Variants in ZNF682 observed in about 807,000 individuals in gnomAD.
The protein encoded by ZNF682 is zinc finger protein 682.
ZNF682 carries 29 observed loss-of-function variants against 36.5 expected under a neutral mutation model. The observed-to-expected ratio is 0.80, with a 90% confidence interval of 0.59 to 1.08. The LOEUF is 1.08. ZNF682 is among the 50% of genes least tolerant of loss of function. The probability of loss-of-function intolerance (pLI) is 0.00; values close to 1 mark genes in which losing one functional copy is unlikely to be tolerated. For synonymous variants in ZNF682, 180 were observed against 197.0 expected (o/e 0.91, Z 0.72); for missense variants, 561 against 579.7 (o/e 0.97, Z 0.33).
intron 3 of ZNF682, among the ~76,000 whole-genome samples, chr19:20,019,146 C>T (rs1300477538): frequency 2.6e-5 from 4 of 152,082 alleles, no homozygotes; most frequent in Non-Finnish European, 5.9e-5. Flanking sequence ...TGAAAGGATG[C>T]TCAAGATTGC....
downstream of ZNF682, chr19:19,996,965 C>A (rs981119896): frequency 8.6e-6 from 3 of 347,388 alleles, no homozygotes; most frequent in Non-Finnish European, 1.5e-5. Flanking sequence ...TCTCCATATT[C>A]TCAGATAAGC....
chr19:20,003,581 T>C (rs934727796), downstream of ZNF682, among the ~76,000 whole-genome samples: 5 of 151,940 alleles, frequency 3.3e-5, no homozygotes, highest in Admixed American at 3.3e-4. Context: ...GGTGGGCACC[T>C]GTAGTCCCAG....
At chr19:20,014,710 G>C (rs1274861426) in intron 3 of ZNF682, among the ~76,000 whole-genome samples, 1 of 151,668 alleles carries the variant, frequency 6.6e-6, no homozygotes, top group Middle Eastern at 3.2e-3. Context: ...AACCTGGGAG[G>C]CGGAGGTTGA....
chr19:20,000,828 G>A (rs1029964194), downstream of ZNF682, among the ~76,000 whole-genome samples: 11 of 152,270 alleles, frequency 7.2e-5, no homozygotes, highest in South Asian at 2.1e-4. Context: ...TTACAGAGCC[G>A]CATTCAGATT....
At chr19:19,999,437 T>G (rs2122281275), downstream of ZNF682, among the ~76,000 whole-genome samples, 1 of 152,242 alleles carries the variant, frequency 6.6e-6, no homozygotes, top group East Asian at 1.9e-4. Flanking sequence ...AAAAATGGGC[T>G]GAAGTTGGTT....
chr19:20,012,369 C>T (rs1001153047), intron 3 of ZNF682, among the ~76,000 whole-genome samples: 7 of 152,090 alleles, frequency 4.6e-5, no homozygotes, highest in Non-Finnish European at 1.0e-4. Context: ...CCAATAAGCA[C>T]AATCAAAAAT....
chr19:20,028,874 G>GA (rs1192850081), intron 1 of ZNF682, among the ~76,000 whole-genome samples: 1 of 151,982 alleles, frequency 6.6e-6, no homozygotes, highest in African/African-American at 2.4e-5. Context: ...GACATAATGT[G>GA]AATTTATCCT....
chr19:20,021,048 C>A (rs2088379152), intron 3 of ZNF682, among the ~76,000 whole-genome samples: 1 of 79,220 alleles, frequency 1.3e-5, no homozygotes, highest in Non-Finnish European at 2.5e-5. Context: ...TTTTGGCTTC[C>A]CTGGGCCACA....
chr19:20,032,310 G>A lies in ZNF682; in HGVS notation c.3+7033C>T, dbSNP rs575879746. Among the ~76,000 whole-genome samples, 108 of 152,322 alleles carry A rather than the reference G, an allele frequency of 7.1e-4. 2 individuals carry two copies. Among genetic ancestry groups the A allele is most frequent in the African/African-American group, 2.5e-3 (105 of 41,570 alleles). ...TTTTAAATTCTTAGGTCTAATCAAT[G>A]CATATGTGTAACCCTGACAGGGTTT... On this transcript the variant is annotated intron_variant, in intron 1 of 3. Transcript: ENST00000397165.
intron 1 of ZNF682, among the ~76,000 whole-genome samples, chr19:20,032,065 A>G (rs2088484346): frequency 6.6e-6 from 1 of 152,196 alleles, no homozygotes; most frequent in Non-Finnish European, 1.5e-5. Context: ...TACATTGCTC[A>G]AAGGAGAAGT....
intron 1 of ZNF682, among the ~76,000 whole-genome samples, chr19:20,029,565 C>T (rs1246429940): frequency 6.8e-6 from 1 of 146,546 alleles, no homozygotes; most frequent in Non-Finnish European, 1.5e-5. Context: ...CATACCACTG[C>T]ACTCCAGCCT....
Position 20,005,774 on chromosome 19 carries a change from A to G in ZNF682, c.*231T>C, listed in dbSNP as rs1008676961. 1.3e-5 allele frequency: 7 copies of G among 534,766 alleles called. No homozygotes were observed. The highest frequency in any genetic ancestry group is 5.9e-5 in the African/African-American group (3 of 51,132). The allele number at this position is 534,766 out of a possible 1,614,324, so 33.1% of individuals were successfully genotyped here. A position where few individuals can be genotyped will look rare whatever the true frequency, so the allele number is the denominator to read the frequency against. ...CACAAAACCTCTGATGAGTAAGTTC[A>G]TAGTAGTTATTAAATGCTTTGCCAC... is the stretch of plus-strand genomic sequence containing the variant. On this transcript the variant is annotated 3_prime_UTR_variant, in exon 4 of 4. Transcript: ENST00000397165.
chr19:20,029,267 C>T (rs2088458897), intron 1 of ZNF682, among the ~76,000 whole-genome samples: 1 of 151,456 alleles, frequency 6.6e-6, no homozygotes, highest in South Asian at 2.1e-4. Context: ...AGACGTGAGT[C>T]ACCGCACCCA....
chr19:20,034,590 C>A (rs1431728284), intron 1 of ZNF682, among the ~76,000 whole-genome samples: 1 of 81,186 alleles, frequency 1.2e-5, no homozygotes, highest in Non-Finnish European at 2.6e-5. Context: ...ACCAGCCTGA[C>A]CAACATGGTG....
chr19:20,034,907 G>A (rs535756175), intron 1 of ZNF682, among the ~76,000 whole-genome samples: 2 of 152,070 alleles, frequency 1.3e-5, no homozygotes, highest in African/African-American at 4.8e-5. Flanking sequence ...GACCAGCCTG[G>A]CCAGCATGGC....
downstream of ZNF682, among the ~76,000 whole-genome samples, chr19:20,002,034 T>A (rs1178142086): frequency 1.3e-5 from 2 of 152,168 alleles, no homozygotes; most frequent in Non-Finnish European, 2.9e-5. Context: ...TTGGGAACTC[T>A]AATGTCACCA....
In ZNF682 at chr19:20,005,782, TATTAAATGCTTTGCC is replaced by T. The variant is rs140867326; in HGVS notation, c.*208_*222del. 21,909 of 552,734 alleles carry T rather than the reference TATTAAATGCTTTGCC, an allele frequency of 0.04. 2,090 individuals are homozygous for T. The highest frequency in any genetic ancestry group is 0.27 in the African/African-American group (14,357 of 53,438). 34.2% of individuals were successfully genotyped at this position (552,734 alleles called of 1,614,324 possible). On this transcript the variant is annotated 3_prime_UTR_variant, in exon 4 of 4. Coordinates refer to ENST00000397165, the MANE Select transcript of ZNF682 (RefSeq NM_033196.3). ...CTCTGATGAGTAAGTTCATAGTAGT[TATTAAATGCTTTGCC>T]ACATTCTTTAAAATCAGAATTTTTC...
chr19:20,006,341 G>T lies in ZNF682; in HGVS notation c.1161C>A (p.His387Gln), dbSNP rs189117754. 13 of 1,603,774 alleles carry T rather than the reference G, an allele frequency of 8.1e-6. No homozygotes were observed. The Admixed American group carries it at 2.0e-4, about 25-fold the overall frequency. ...VFKRFSYLTKHKRIHTGEKPY... is the reference protein window; with the variant it reads ...VFKRFSYLTKQKRIHTGEKPY... ...GTTTCTCTCCAGTGTGAATTCTCTT[G>T]TGTTTAGTAAGGTATGAGAACCTCT... is the stretch of plus-strand genomic sequence containing the variant. Residue 387 changes from histidine (H) to glutamine (Q), a missense_variant, in exon 4 of 4, where the codon CAC (histidine) becomes CAA (glutamine). By Grantham distance (24) the His-to-Gln change is conservative. Transcript: ENST00000397165.
At chr19:20,015,460 T>C (rs2088326719) in intron 3 of ZNF682, 1 of 972,130 alleles carries the variant, frequency 1.0e-6, no homozygotes, top group Non-Finnish European at 1.2e-6. Flanking sequence ...TACAAAATTA[T>C]AATATATGAA....
Sources: gnomAD v4.1 joint callset for allele counts (sites outside exome capture counted in the v4.1 genomes callset) on GRCh38, gnomAD v4.1.1 for gene constraint, MANE v1.5 for transcripts, NCBI Gene and HGNC (gene_info 2026-07-23, HGNC 2026-07-21) for gene names.